The following FARS2 variants were observed in gnomAD, a reference collection of about 807,000 sequenced individuals.
FARS2 encodes phenylalanyl-tRNA synthetase 2, mitochondrial.
FARS2 carries 40 observed loss-of-function variants against 46.4 expected under a neutral mutation model. The ratio of observed to expected loss-of-function variants is 0.86; its 90% CI spans 0.67 to 1.12. The LOEUF is 1.12. FARS2 is among the 50% of genes most tolerant of loss of function. The probability of loss-of-function intolerance (pLI) is 0.00; values close to 1 mark genes in which losing one functional copy is unlikely to be tolerated. For synonymous variants in FARS2, 234 were observed against 214.9 expected (o/e 1.09, Z -0.78); for missense variants, 513 against 567.9 (o/e 0.90, Z 0.98).
intron 3 of FARS2, among the ~76,000 whole-genome samples, chr6:5,428,022 C>T (rs1005247870): frequency 7.9e-5 from 12 of 152,178 alleles, no homozygotes; most frequent in Admixed American, 3.9e-4. Flanking sequence ...GTTGTGCTGA[C>T]GCCATCAGCA....
chr6:5,567,171 C>T (rs185748280), intron 5 of FARS2, among the ~76,000 whole-genome samples: 6 of 152,308 alleles, frequency 3.9e-5, no homozygotes, highest in Admixed American at 6.5e-5. Context: ...TCCTCGCCAA[C>T]GAGTTATTTT....
At chr6:5,567,020 G>C (rs565306089) in intron 5 of FARS2, among the ~76,000 whole-genome samples, 12 of 152,242 alleles carry the variant, frequency 7.9e-5, no homozygotes, top group African/African-American at 2.9e-4. Flanking sequence ...ATGTCTGGGC[G>C]TAGGCCGAAC....
intron 3 of FARS2, among the ~76,000 whole-genome samples, chr6:5,415,527 G>A (rs1334531946): frequency 6.6e-6 from 1 of 151,590 alleles, no homozygotes; most frequent in Non-Finnish European, 1.5e-5. Context: ...ATGTTAGCTA[G>A]GCTGGCCTGG....
intron 6 of FARS2, among the ~76,000 whole-genome samples, chr6:5,627,704 A>G (rs1229092692): frequency 6.6e-6 from 1 of 152,246 alleles, no homozygotes; most frequent in Non-Finnish European, 1.5e-5. Flanking sequence ...AGAACAGAGT[A>G]AGTACTCAAT....
chr6:5,592,836 G>A (rs567018158), intron 5 of FARS2, among the ~76,000 whole-genome samples: 1 of 152,322 alleles, frequency 6.6e-6, no homozygotes, highest in East Asian at 1.9e-4. Context: ...GGCCCAGAGC[G>A]AGAAAAGCCC....
chr6:5,714,066 G>A lies in FARS2; in HGVS notation c.1218-57225G>A, dbSNP rs527355616. ...GAGCACATGTGAGCATCTTAAACAC[G>A]CCATTGTGTGTGTGTGTGAGTGCGC... On this transcript the variant is annotated intron_variant, in intron 6 of 6. Coordinates refer to ENST00000274680, the MANE Select transcript of FARS2 (RefSeq NM_006567.5). Among the ~76,000 whole-genome samples the A allele has an allele frequency of 7.9e-5, 12 of 152,292 alleles. 1 individual carries two copies. Among genetic ancestry groups the A allele is most frequent in the African/African-American group, 1.2e-4 (5 of 41,552 alleles).
At chr6:5,378,414 A>G (rs1759527367) in intron 2 of FARS2, among the ~76,000 whole-genome samples, 1 of 152,162 alleles carries the variant, frequency 6.6e-6, no homozygotes. Flanking sequence ...GCTGTCATTT[A>G]TCATTAGAAA....
intron 5 of FARS2, among the ~76,000 whole-genome samples, chr6:5,547,480 T>C (rs1771106858): frequency 6.6e-6 from 1 of 152,092 alleles, no homozygotes; most frequent in African/African-American, 2.4e-5. Context: ...CTAAGGTGAC[T>C]AGGCCAGATC....
At chr6:5,582,039 G>A (rs1431864064) in intron 5 of FARS2, among the ~76,000 whole-genome samples, 6 of 100,146 alleles carry the variant, frequency 6.0e-5, no homozygotes, top group Non-Finnish European at 1.3e-4. Flanking sequence ...ACATACTTCC[G>A]GTTAATTCCT....
At chr6:5,611,047 C>T (rs1775153134) in intron 5 of FARS2, among the ~76,000 whole-genome samples, 1 of 152,210 alleles carries the variant, frequency 6.6e-6, no homozygotes. Flanking sequence ...AGGGACTGTG[C>T]ACAGTAAGGA....
At chr6:5,259,393 G>C (rs1040101440), upstream of FARS2, among the ~76,000 whole-genome samples, 1 of 152,214 alleles carries the variant, frequency 6.6e-6, no homozygotes, top group African/African-American at 2.4e-5. Context: ...CAAAGTCAAA[G>C]TCATTAAGTA....
chr6:5,734,868 T>C (rs1230914530), intron 6 of FARS2, among the ~76,000 whole-genome samples: 1 of 152,154 alleles, frequency 6.6e-6, no homozygotes, highest in Non-Finnish European at 1.5e-5. Flanking sequence ...ATAGTGTAGA[T>C]AGAAACTGTG....
chr6:5,330,530 CTG>C (rs1413460407), intron 1 of FARS2, among the ~76,000 whole-genome samples: 7 of 152,140 alleles, frequency 4.6e-5, no homozygotes, highest in Non-Finnish European at 8.8e-5. Flanking sequence ...AGGAGAATAA[CTG>C]TAGCGCATCT....
At chr6:5,686,978 C>T (rs1306539933) in intron 6 of FARS2, among the ~76,000 whole-genome samples, 3 of 152,190 alleles carry the variant, frequency 2.0e-5, no homozygotes, top group Non-Finnish European at 4.4e-5. Flanking sequence ...TTTCATGTGT[C>T]TGTTGGCTGC....
intron 5 of FARS2, among the ~76,000 whole-genome samples, chr6:5,602,947 T>A (rs181944115): frequency 1.3e-5 from 2 of 152,344 alleles, no homozygotes; most frequent in Admixed American, 6.5e-5. Context: ...TTATTTCATG[T>A]CATCTTCACC....
chr6:5,618,571 G>A (rs149885158), intron 6 of FARS2, among the ~76,000 whole-genome samples: 75 of 152,250 alleles, frequency 4.9e-4, no homozygotes, highest in African/African-American at 1.6e-3. Context: ...ATAAACTGCC[G>A]AAGAAGAGCC....
chr6:5,355,655 C>G (rs1194648391), intron 1 of FARS2, among the ~76,000 whole-genome samples: 3 of 152,034 alleles, frequency 2.0e-5, no homozygotes, highest in South Asian at 2.1e-4. Flanking sequence ...CCATGCCCAG[C>G]CTTTTTAGAT....
At chr6:5,282,306 A>T (rs1201215957) in intron 1 of FARS2, among the ~76,000 whole-genome samples, 1 of 152,216 alleles carries the variant, frequency 6.6e-6, no homozygotes, top group Non-Finnish European at 1.5e-5. Context: ...AGGAAGCAGC[A>T]GCAAGCAGGC....
chr6:5,715,012 G>A (rs538825609), intron 6 of FARS2, among the ~76,000 whole-genome samples: 23 of 152,232 alleles, frequency 1.5e-4, no homozygotes, highest in African/African-American at 5.3e-4. Context: ...GCAACAGAGC[G>A]AGATTTCATC....
Sources: allele counts gnomAD v4.1 joint callset (sites outside exome capture counted in the v4.1 genomes callset), GRCh38; gene constraint gnomAD v4.1.1; transcripts MANE v1.5; gene names NCBI Gene and HGNC (gene_info 2026-07-23, HGNC 2026-07-21).